Variants in CCNY observed in about 807,000 individuals in gnomAD.
CCNY encodes the protein cyclin-Y.
In CCNY, 19 loss-of-function variants were observed where a neutral mutation model predicts 42.8. The ratio of observed to expected loss-of-function variants is 0.44; its 90% CI spans 0.31 to 0.65. The LOEUF is 0.65. Ranked by LOEUF, CCNY falls within the 30% of genes least tolerant of loss-of-function variation. The probability of loss-of-function intolerance (pLI) is 0.07; values close to 1 mark genes in which losing one functional copy is unlikely to be tolerated. For missense variants in CCNY, 370 were observed against 437.3 expected, an observed-to-expected ratio of 0.85 and a Z score of 1.37; for synonymous variants, 165 against 162.7, an observed-to-expected ratio of 1.01 and a Z score of -0.11.
intron 1 of CCNY, among the ~76,000 whole-genome samples, chr10:35,450,931 G>A (rs1838902694): frequency 2.0e-5 from 3 of 151,996 alleles, no homozygotes; most frequent in African/African-American, 7.3e-5. Flanking sequence ...AGGGGTGTGG[G>A]GCTCAGCTTT....
At chr10:35,482,609 G>C (rs1181533156) in intron 1 of CCNY, among the ~76,000 whole-genome samples, 1 of 152,152 alleles carries the variant, frequency 6.6e-6, no homozygotes, top group African/African-American at 2.4e-5. Context: ...GTGGTCACTG[G>C]GGAGCTGGAG....
intron 1 of CCNY, among the ~76,000 whole-genome samples, chr10:35,444,592 T>A (rs1175543575): frequency 6.6e-6 from 1 of 152,192 alleles, no homozygotes; most frequent in Non-Finnish European, 1.5e-5. Context: ...TACACCAGCA[T>A]CATCACAAAC....
chr10:35,270,688 C>A (rs1299218740), intron 3 of CCNY, among the ~76,000 whole-genome samples: 1 of 150,264 alleles, frequency 6.7e-6, no homozygotes, highest in East Asian at 1.9e-4. Flanking sequence ...ATCTCTACCC[C>A]TTTTCGCAAT....
intron 3 of CCNY, 29 bp downstream of exon 3, chr10:35,501,564 C>T (rs1406204979): frequency 6.3e-7 from 1 of 1,598,874 alleles, no homozygotes; most frequent in Non-Finnish European, 8.6e-7. Context: ...CTGTGTTCTT[C>T]ATAATGACTG....
intron 3 of CCNY, among the ~76,000 whole-genome samples, chr10:35,505,240 G>A (rs1449326719): frequency 3.3e-5 from 5 of 149,270 alleles, no homozygotes; most frequent in African/African-American, 9.9e-5. Flanking sequence ...CCTGGTGATA[G>A]CACACCAAAA....
At chr10:35,383,972 T>A (rs766832742) in intron 1 of CCNY, among the ~76,000 whole-genome samples, 48 of 151,918 alleles carry the variant, frequency 3.2e-4, no homozygotes, top group African/African-American at 5.8e-4. Flanking sequence ...ATATATATAT[T>A]AAGTAACATT....
At chr10:35,455,713 A>G (rs1372651859) in intron 1 of CCNY, among the ~76,000 whole-genome samples, 3 of 151,476 alleles carry the variant, frequency 2.0e-5, no homozygotes, top group South Asian at 2.1e-4. Flanking sequence ...TGCCACGCCC[A>G]TGGCTCTTGG....
At chr10:35,261,830 G>A (rs576981345) in intron 3 of CCNY, among the ~76,000 whole-genome samples, 1 of 151,916 alleles carries the variant, frequency 6.6e-6, no homozygotes, top group Non-Finnish European at 1.5e-5. Context: ...AGACCAGCCT[G>A]GCCAAAATGG....
At chr10:35,351,316 G>C (rs1005108783) in intron 1 of CCNY, among the ~76,000 whole-genome samples, 1 of 152,188 alleles carries the variant, frequency 6.6e-6, no homozygotes. Flanking sequence ...GAACTCTTCA[G>C]GTCAATTTAG....
intron 9 of CCNY, among the ~76,000 whole-genome samples, chr10:35,567,038 CT>C (rs1841586005): frequency 6.6e-6 from 1 of 152,108 alleles, no homozygotes; most frequent in Admixed American, 6.5e-5. Context: ...TTTTAAAACC[CT>C]TACCTTTACG....
intron 7 of CCNY, among the ~76,000 whole-genome samples, chr10:35,545,864 A>G (rs982779080): frequency 2.6e-5 from 4 of 152,238 alleles, no homozygotes; most frequent in Non-Finnish European, 4.4e-5. Context: ...AGCATCAGGT[A>G]CAAAAAAGAA....
intron 1 of CCNY, among the ~76,000 whole-genome samples, chr10:35,360,902 C>T (rs1444649675): frequency 6.6e-6 from 1 of 152,060 alleles, no homozygotes; most frequent in African/African-American, 2.4e-5. Flanking sequence ...ACCCTGTCGC[C>T]CAGGCTGGAG....
intron 1 of CCNY, among the ~76,000 whole-genome samples, chr10:35,371,328 A>G (rs150881222): frequency 2.6e-5 from 4 of 152,224 alleles, no homozygotes; most frequent in South Asian, 2.1e-4. Flanking sequence ...TTCTATTTCA[A>G]TTGTGGCCAC....
intron 3 of CCNY, among the ~76,000 whole-genome samples, chr10:35,277,234 A>T (rs953609577): frequency 2.0e-5 from 3 of 152,228 alleles, no homozygotes; most frequent in African/African-American, 7.2e-5. Context: ...TTCATCTTGC[A>T]TAACATCTAC....
rs115017768 is a variant in CCNY, at chr10:35,409,630, A to G, written c.154+72423A>G. Among the ~76,000 whole-genome samples, 703 of 152,326 alleles carry G rather than the reference A, an allele frequency of 4.6e-3. 11 individuals carry two copies. Among genetic ancestry groups the G allele is most frequent in the African/African-American group, 0.016 (674 of 41,568 alleles). ...AAAGAAAACCTTAATTTAAACCGTG[A>G]TTTACAGATAATTCCCATGTGTGAG... On this transcript the variant is annotated intron_variant, in intron 1 of 9. Coordinates refer to ENST00000374704, the MANE Select transcript of CCNY (RefSeq NM_145012.6).
intron 1 of CCNY, among the ~76,000 whole-genome samples, chr10:35,453,374 T>G (rs1337713905): frequency 6.6e-6 from 1 of 152,254 alleles, no homozygotes; most frequent in Non-Finnish European, 1.5e-5. Flanking sequence ...TGGGAAATTT[T>G]CCGCTTATTC....
intron 3 of CCNY, among the ~76,000 whole-genome samples, chr10:35,289,775 G>A (rs1049751157): frequency 2.3e-4 from 35 of 151,394 alleles, no homozygotes; most frequent in African/African-American, 8.0e-4. Context: ...TTGGGGATCT[G>A]AGGCAGGAGA....
intron 9 of CCNY, among the ~76,000 whole-genome samples, chr10:35,567,394 G>C (rs975897583): frequency 3.3e-5 from 5 of 152,186 alleles, no homozygotes; most frequent in African/African-American, 9.6e-5. Flanking sequence ...GAAAGGGGAC[G>C]GGGTGGTAAT....
intron 3 of CCNY, among the ~76,000 whole-genome samples, chr10:35,329,273 C>T (rs1476060854): frequency 1.3e-5 from 2 of 152,118 alleles, no homozygotes; most frequent in Non-Finnish European, 2.9e-5. Context: ...CATCCCCGGC[C>T]GGGTGCAGTG....
Sources: gnomAD v4.1 joint callset for allele counts (sites outside exome capture counted in the v4.1 genomes callset) on GRCh38, gnomAD v4.1.1 for gene constraint, MANE v1.5 for transcripts, NCBI Gene and HGNC (gene_info 2026-07-23, HGNC 2026-07-21) for gene names.